KIAA1958: variants seen among roughly 807,000 people sequenced by gnomAD.
KIAA1958 encodes uncharacterized protein KIAA1958.
Under a neutral mutation model 47.2 loss-of-function variants are expected in KIAA1958, and 14 were observed. The ratio of observed to expected loss-of-function variants is 0.30; its 90% confidence interval spans 0.20 to 0.46. The LOEUF (loss-of-function observed/expected upper bound fraction) is 0.46, where lower values mean the gene tolerates loss of function less well. Among genes scored for constraint, KIAA1958 ranks in the 20% least tolerant of loss-of-function variants. The probability of loss-of-function intolerance (pLI) is 1.00; values close to 1 mark genes in which losing one functional copy is unlikely to be tolerated. For synonymous variants in KIAA1958, 354 were observed against 353.3 expected, an observed-to-expected ratio of 1.00 and a Z score of -0.02; for missense variants, 803 against 909.2, an observed-to-expected ratio of 0.88 and a Z score of 1.50.
chr9:112,575,205 A>C lies in KIAA1958; in HGVS notation c.1125A>C (p.Pro375=). ...TGAGCTCCAGTCAGCAGCAGCCCCC[A>C]GTCGCTCCAGCCATAACCACTGAGG... ...PEVSSSQQQP[P]VAPAITTEAT... Residue 375 remains proline (P), a synonymous_variant, in exon 2 of 4, where the codon CCA becomes CCC. Transcript: ENST00000337530. 1 of 1,578,752 alleles carries C rather than the reference A, an allele frequency of 6.3e-7. No homozygotes were observed. The highest frequency in any genetic ancestry group is 8.5e-7 in the Non-Finnish European group (1 of 1,169,742).
At chr9:112,492,916 CT>C (rs60299333) in intron 1 of KIAA1958, among the ~76,000 whole-genome samples, 145 of 114,164 alleles carry the variant, frequency 1.3e-3, no homozygotes, top group African/African-American at 3.9e-3. Flanking sequence ...GCCCAGCTCA[CT>C]TTTTTTTTTT....
intron 1 of KIAA1958, among the ~76,000 whole-genome samples, chr9:112,552,628 A>T (rs1835170043): frequency 6.6e-6 from 1 of 152,226 alleles, no homozygotes. Context: ...TTAGCAAGAA[A>T]TCATCAACAT....
At chr9:112,584,546 A>G (rs1292749096) in intron 2 of KIAA1958, among the ~76,000 whole-genome samples, 1 of 152,220 alleles carries the variant, frequency 6.6e-6, no homozygotes, top group African/African-American at 2.4e-5. Flanking sequence ...TGGACAAGGA[A>G]TTTGAGAATT....
chr9:112,537,955 C>A (rs979378681), intron 1 of KIAA1958, among the ~76,000 whole-genome samples: 1 of 152,018 alleles, frequency 6.6e-6, no homozygotes, highest in Non-Finnish European at 1.5e-5. Context: ...AAACATTATA[C>A]AATAATAAAA....
chr9:112,498,411 T>G (rs1564149222), intron 1 of KIAA1958, among the ~76,000 whole-genome samples: 1 of 152,186 alleles, frequency 6.6e-6, no homozygotes, highest in Non-Finnish European at 1.5e-5. Context: ...TTGCTTAAGT[T>G]TTTCAGCTCT....
chr9:112,512,585 G>A (rs1279005640), intron 1 of KIAA1958, among the ~76,000 whole-genome samples: 1 of 152,166 alleles, frequency 6.6e-6, no homozygotes, highest in Admixed American at 6.5e-5. Flanking sequence ...CAATTCAGAT[G>A]ACTCTGTCTC....
Position 112,581,499 on chromosome 9 carries a change from C to T in KIAA1958, c.1171+6248C>T, listed in dbSNP as rs1341121390. Among the ~76,000 whole-genome samples, 3 of 152,032 alleles carry T rather than the reference C, an allele frequency of 2.0e-5. No homozygotes were observed. In the East Asian group the frequency reaches 5.8e-4, roughly 29 times the overall value. On this transcript the variant is annotated intron_variant, in intron 2 of 3. Transcript: ENST00000337530. Reference sequence around the variant, plus strand: ...AGAAATGCAGAGTTTCAGGAGGCCGCGAGGAAAGACCAAAAATGCTGTGTC... The same window carrying T: ...AGAAATGCAGAGTTTCAGGAGGCCGTGAGGAAAGACCAAAAATGCTGTGTC...
intron 2 of KIAA1958, among the ~76,000 whole-genome samples, chr9:112,583,115 C>G (rs1236777733): frequency 6.6e-6 from 1 of 152,186 alleles, no homozygotes; most frequent in Non-Finnish European, 1.5e-5. Context: ...CTCTTCCTAT[C>G]TATGTGAGAG....
At chr9:112,505,409 G>C (rs190012126) in intron 1 of KIAA1958, among the ~76,000 whole-genome samples, 38 of 152,288 alleles carry the variant, frequency 2.5e-4, no homozygotes, top group Admixed American at 2.5e-3. Context: ...TGAGGATTAG[G>C]TAAATTCGTG....
intron 2 of KIAA1958, among the ~76,000 whole-genome samples, chr9:112,620,414 A>G (rs1358493669): frequency 6.6e-6 from 1 of 152,220 alleles, no homozygotes; most frequent in African/African-American, 2.4e-5. Flanking sequence ...GTGTATAACC[A>G]GGACAAATTT....
At chr9:112,570,424 G>T (rs1835512000) in intron 1 of KIAA1958, among the ~76,000 whole-genome samples, 1 of 152,304 alleles carries the variant, frequency 6.6e-6, no homozygotes, top group Middle Eastern at 3.4e-3. Context: ...TGTATTTGGA[G>T]GGTGGTTGTG....
intron 1 of KIAA1958, among the ~76,000 whole-genome samples, chr9:112,572,997 G>T (rs1183533013): frequency 6.6e-6 from 1 of 152,110 alleles, no homozygotes; most frequent in Non-Finnish European, 1.5e-5. Flanking sequence ...CAGATAGCCA[G>T]GGCCGACAAA....
chr9:112,597,514 G>A (rs1019735979), intron 2 of KIAA1958, among the ~76,000 whole-genome samples: 1 of 152,174 alleles, frequency 6.6e-6, no homozygotes, highest in African/African-American at 2.4e-5. Context: ...ACATGTCTCA[G>A]CATCCTCCCT....
Position 112,591,484 on chromosome 9 carries a change from A to G in KIAA1958, c.1171+16233A>G, listed in dbSNP as rs150653565. On this transcript the variant is annotated intron_variant, in intron 2 of 3. Transcript: ENST00000337530. ...ATTTTGCTATTATATATTTAAAACCATAACTTCATTCCCTCTTATTTTTTA... is the reference window on the plus strand; with the variant it reads ...ATTTTGCTATTATATATTTAAAACCGTAACTTCATTCCCTCTTATTTTTTA... 6.0e-4 allele frequency among the ~76,000 whole-genome samples: 92 copies of G among 152,316 alleles called. 1 individual carries two copies. Among genetic ancestry groups the G allele is most frequent in the African/African-American group, 2.1e-3 (89 of 41,568 alleles).
intron 2 of KIAA1958, among the ~76,000 whole-genome samples, chr9:112,619,580 A>T (rs991959631): frequency 2.0e-5 from 3 of 152,206 alleles, no homozygotes; most frequent in African/African-American, 7.2e-5. Flanking sequence ...GAAGGAGGGA[A>T]TAAAGGTGCC....
At chr9:112,552,961 C>T (rs1835178388) in intron 1 of KIAA1958, among the ~76,000 whole-genome samples, 2 of 152,012 alleles carry the variant, frequency 1.3e-5, no homozygotes, top group African/African-American at 4.8e-5. Flanking sequence ...CTGGTGCGCG[C>T]ACAGGGTTCA....
chr9:112,522,742 C>T (rs1350794901), intron 1 of KIAA1958, among the ~76,000 whole-genome samples: 1 of 152,154 alleles, frequency 6.6e-6, no homozygotes, highest in East Asian at 1.9e-4. Context: ...AGCCCCTTTA[C>T]CCAGCCCTGA....
At chr9:112,591,660 A>T (rs1835924253) in intron 2 of KIAA1958, among the ~76,000 whole-genome samples, 1 of 151,862 alleles carries the variant, frequency 6.6e-6, no homozygotes, top group South Asian at 2.1e-4. Flanking sequence ...TGGGATTCTG[A>T]GATTGGAGGA....
intron 1 of KIAA1958, among the ~76,000 whole-genome samples, chr9:112,531,795 T>C (rs1284577062): frequency 1.3e-5 from 2 of 152,252 alleles, no homozygotes; most frequent in African/African-American, 4.8e-5. Context: ...TCTGTATCAG[T>C]TGGATTTTCA....
Sources: gnomAD v4.1 joint callset for allele counts (sites outside exome capture counted in the v4.1 genomes callset) on GRCh38, gnomAD v4.1.1 for gene constraint, MANE v1.5 for transcripts, NCBI Gene and HGNC (gene_info 2026-07-23, HGNC 2026-07-21) for gene names.